TAF4: variants seen among roughly 807,000 people sequenced by gnomAD.
TAF4 encodes transcription initiation factor TFIID subunit 4.
A neutral mutation model predicts 90.3 loss-of-function variants in TAF4; 9 were observed. That is an observed-to-expected ratio of 0.10 (90% CI 0.06 to 0.17). The LOEUF is 0.17. Ranked by LOEUF, TAF4 falls within the 10% of genes least tolerant of loss-of-function variation. The probability of loss-of-function intolerance (pLI) is 1.00; values close to 1 mark genes in which losing one functional copy is unlikely to be tolerated. For missense variants in TAF4, 1,351 were observed against 1,370.7 expected (o/e 0.99, Z 0.23); for synonymous variants, 818 against 638.9 (o/e 1.28, Z -4.23).
chr20:62,007,372 A>G lies in TAF4; in HGVS notation c.1974+175T>C, dbSNP rs1465896268. Among the ~76,000 whole-genome samples the G allele has an allele frequency of 4.6e-5, 7 of 152,004 alleles. No individual in the cohort carries two copies. In the East Asian group the frequency reaches 1.3e-3, roughly 29 times the overall value. On this transcript the variant is annotated intron_variant, in intron 6 of 14. Transcript: ENST00000252996. Reference sequence around the variant, plus strand: ...TGTCAGGGGAGCTCCTGCTTTACAGAAAAAAAACTAACATTCTGTCCCCAG... The same window carrying G: ...TGTCAGGGGAGCTCCTGCTTTACAGGAAAAAAACTAACATTCTGTCCCCAG...
In TAF4 at chr20:62,007,653, A is replaced by AT; in HGVS notation, c.1885-18dup. 1 of 1,593,646 alleles carries AT rather than the reference A, an allele frequency of 6.3e-7. No individual in the cohort carries two copies. The highest frequency in any genetic ancestry group is 8.6e-7 in the Non-Finnish European group (1 of 1,168,450). On this transcript the variant is annotated splice_polypyrimidine_tract_variant and intron_variant, in intron 5 of 14. Coordinates refer to ENST00000252996, the MANE Select transcript of TAF4 (RefSeq NM_003185.4). ...TTTTCCATCCTTAAAAATAAAATCCATGTTGAAATTCTGGTGAATGAGATT... is the reference window on the plus strand; with the variant it reads ...TTTTCCATCCTTAAAAATAAAATCCATTGTTGAAATTCTGGTGAATGAGATT...
chr20:62,037,051 A>C (rs1600855007), intron 1 of TAF4, among the ~76,000 whole-genome samples: 1 of 152,320 alleles, frequency 6.6e-6, no homozygotes, highest in Middle Eastern at 3.4e-3. Context: ...GGTGTCTAGA[A>C]GCCTCCCAGT....
chr20:62,013,688 CA>C (rs2055792790), intron 2 of TAF4, among the ~76,000 whole-genome samples: 2 of 152,310 alleles, frequency 1.3e-5, no homozygotes, highest in South Asian at 4.1e-4. Context: ...ACAAACCTGC[CA>C]GGTCATTCAG....
Position 62,009,225 on chromosome 20 carries a change from T to G in TAF4, c.1762-51A>C, listed in dbSNP as rs28382068. On this transcript the variant is annotated intron_variant, in intron 4 of 14. Transcript: ENST00000252996. ...TGAAAAATCTTAAAAGGCAGATTTTTGTCACAGCCTTTGGTTACTAAAATA... is the reference window on the plus strand; with the variant it reads ...TGAAAAATCTTAAAAGGCAGATTTTGGTCACAGCCTTTGGTTACTAAAATA... 2.0e-4 allele frequency: 305 copies of G among 1,549,136 alleles called. No individual in the cohort carries two copies. The African/African-American group carries it at 3.9e-3, about 20-fold the overall frequency.
chr20:61,985,119 G>A (rs2055579138), intron 14 of TAF4, among the ~76,000 whole-genome samples: 2 of 37,904 alleles, frequency 5.3e-5, no homozygotes, highest in South Asian at 1.1e-3. Flanking sequence ...TCCGGACCAT[G>A]GCAACGCTCC....
chr20:61,990,561 C>G (rs1023454436), intron 14 of TAF4, among the ~76,000 whole-genome samples: 2 of 152,196 alleles, frequency 1.3e-5, no homozygotes, highest in Admixed American at 1.3e-4. Flanking sequence ...ACCCAGGAGC[C>G]AGCAGACTTC....
chr20:62,037,047 T>C (rs1429672162), intron 1 of TAF4, among the ~76,000 whole-genome samples: 1 of 152,208 alleles, frequency 6.6e-6, no homozygotes, highest in Non-Finnish European at 1.5e-5. Context: ...TTCCGGTGTC[T>C]AGAAGCCTCC....
At chr20:62,037,736 T>C (rs776631061) in intron 1 of TAF4, 7 of 212,136 alleles carry the variant, frequency 3.3e-5, no homozygotes, top group Non-Finnish European at 5.0e-5. Flanking sequence ...GCCCCACTGT[T>C]TGGCCTAGGT....
intron 1 of TAF4, among the ~76,000 whole-genome samples, chr20:62,022,666 G>A (rs2055850079): frequency 6.6e-6 from 1 of 152,216 alleles, no homozygotes; most frequent in Non-Finnish European, 1.5e-5. Context: ...CAGATGCACA[G>A]CCTCATCTTC....
At chr20:62,044,279 T>C (rs943254499) in intron 1 of TAF4, among the ~76,000 whole-genome samples, 1 of 152,328 alleles carries the variant, frequency 6.6e-6, no homozygotes, top group African/African-American at 2.4e-5. Context: ...ATCTCCAGAT[T>C]ATATTAAGAA....
chr20:62,018,829 C>T (rs1003562937), intron 1 of TAF4, among the ~76,000 whole-genome samples: 12 of 152,262 alleles, frequency 7.9e-5, no homozygotes, highest in Non-Finnish European at 2.9e-5. Context: ...TCAGCATCCT[C>T]GTCCAACCAA....
rs551749583 is a variant in TAF4 at position 62,065,822 on chromosome 20, GGCCGCCGCC to G, written c.-21_-13del. The G allele has an allele frequency of 6.9e-5, 88 of 1,266,820 alleles. No individual in the cohort carries two copies. Among genetic ancestry groups the G allele is most frequent in the Admixed American group, 5.5e-5 (2 of 36,586 alleles). 78.5% of individuals were successfully genotyped at this position (1,266,820 alleles called of 1,614,324 possible). ...GAGCCCGCCGCCATCTTTTTTCCTCGGCCGCCGCCGCCGCCGCCGCTCGGGCCGAGCGCG... is the reference window on the plus strand; with the variant it reads ...GAGCCCGCCGCCATCTTTTTTCCTCGGCCGCCGCCGCTCGGGCCGAGCGCG... On this transcript the variant is annotated 5_prime_UTR_variant, in exon 1 of 15. Coordinates refer to ENST00000252996, the MANE Select transcript of TAF4 (RefSeq NM_003185.4).
At chr20:61,978,577 G>A (rs1180334798) in intron 14 of TAF4, among the ~76,000 whole-genome samples, 3 of 151,458 alleles carry the variant, frequency 2.0e-5, no homozygotes, top group African/African-American at 7.3e-5. Flanking sequence ...GACCAACCAA[G>A]GCCGGGGGCG....
intron 1 of TAF4, among the ~76,000 whole-genome samples, chr20:62,040,454 G>A (rs1051427513): frequency 4.6e-5 from 7 of 152,220 alleles, no homozygotes; most frequent in South Asian, 2.1e-4. Flanking sequence ...AGTGGCTGCC[G>A]GGGAGGAAGC....
At chr20:62,014,046 ATGTG>A (rs994940148) in intron 2 of TAF4, among the ~76,000 whole-genome samples, 9 of 74,124 alleles carry the variant, frequency 1.2e-4, no homozygotes, top group Admixed American at 3.2e-4. Flanking sequence ...GTGTGTGTGT[ATGTG>A]TGTGTGTGTG....
At chr20:61,993,693 G>T (rs1451136054) in intron 14 of TAF4, among the ~76,000 whole-genome samples, 1 of 152,084 alleles carries the variant, frequency 6.6e-6, no homozygotes, top group Non-Finnish European at 1.5e-5. Flanking sequence ...GTGATGTGGT[G>T]GGGCACATAA....
chr20:62,062,499 T>C (rs1309573126), intron 1 of TAF4, among the ~76,000 whole-genome samples: 2 of 152,064 alleles, frequency 1.3e-5, no homozygotes, highest in East Asian at 1.9e-4. Flanking sequence ...ATGGGGTAAA[T>C]CTCTCACTTT....
intron 1 of TAF4, among the ~76,000 whole-genome samples, chr20:62,053,311 G>A (rs2145515720): frequency 1.1e-5 from 1 of 91,352 alleles, no homozygotes; most frequent in East Asian, 3.0e-4. Flanking sequence ...CTGAAACCAG[G>A]AGCCCATGAG....
intron 1 of TAF4, chr20:62,037,750 C>A: frequency 4.7e-6 from 1 of 211,980 alleles, no homozygotes; most frequent in South Asian, 8.2e-5. Context: ...CCTAGGTACA[C>A]CTGCCAGCTC....
Sources: gnomAD v4.1 joint callset for allele counts (sites outside exome capture counted in the v4.1 genomes callset) on GRCh38, gnomAD v4.1.1 for gene constraint, MANE v1.5 for transcripts, NCBI Gene and HGNC (gene_info 2026-07-23, HGNC 2026-07-21) for gene names.